The following PXDNL variants were observed in gnomAD, a reference collection of about 807,000 sequenced individuals.
PXDNL encodes peroxidasin like, also known as probable oxidoreductase PXDNL.
A neutral mutation model predicts 150.8 loss-of-function variants in PXDNL; 145 were observed. That is an observed-to-expected ratio of 0.96 (90% CI 0.84 to 1.10). PXDNL has a LOEUF of 1.10. Ranked by LOEUF, PXDNL falls within the 50% of genes least tolerant of loss-of-function variation. The pLI is 0.00. For missense variants in PXDNL, 2,087 were observed against 1,873.9 expected (o/e 1.11, Z -2.10); for synonymous variants, 757 against 725.7 (o/e 1.04, Z -0.69).
chr8:51,755,297 TG>T (rs1167311172), intron 1 of PXDNL, among the ~76,000 whole-genome samples: 1,780 of 87,714 alleles, frequency 0.02, 34 homozygotes, highest in African/African-American at 0.061. Flanking sequence ...TAGAATGTTT[TG>T]TTTTTTTTTT....
At chr8:51,733,131 G>A (rs1816965906) in intron 1 of PXDNL, among the ~76,000 whole-genome samples, 1 of 152,230 alleles carries the variant, frequency 6.6e-6, no homozygotes, top group African/African-American at 2.4e-5. Flanking sequence ...CTGTGGATGA[G>A]CATGACTTCT....
intron 20 of PXDNL, among the ~76,000 whole-genome samples, chr8:51,341,301 A>G (rs1805978499): frequency 6.6e-6 from 1 of 152,254 alleles, no homozygotes; most frequent in Non-Finnish European, 1.5e-5. Context: ...ACACAAAAAC[A>G]CACATATTTA....
chr8:51,423,922 G>C (rs1183197101), intron 13 of PXDNL, among the ~76,000 whole-genome samples, 191 bp from the exon 14 acceptor site: 1 of 152,018 alleles, frequency 6.6e-6, no homozygotes, highest in Non-Finnish European at 1.5e-5. Context: ...AGGAAGTGTG[G>C]TTTTTCTCTC....
At chr8:51,611,605 G>A (rs1484341475) in intron 2 of PXDNL, among the ~76,000 whole-genome samples, 4 of 152,202 alleles carry the variant, frequency 2.6e-5, no homozygotes, top group Non-Finnish European at 4.4e-5. Context: ...TGTGTGAAAA[G>A]GACTATGGGA....
rs777627469 is a variant in PXDNL, at chr8:51,408,221, C to T, written c.3403G>A (p.Val1135Met). ...RLFSAAYSAA[V>M]DSAATIIQRG... ...TGAATGATGGTGGCAGCCGAATCCA[C>T]GGCCGCAGAATAAGCCGCGGAGAAG... is the stretch of plus-strand genomic sequence containing the variant. Residue 1135 changes from valine (V) to methionine (M), a missense_variant, in exon 17 of 23, where the codon GTG (valine) becomes ATG (methionine). By Grantham distance (21) the Val-to-Met change is conservative. Transcript: ENST00000356297. 1.9e-6 allele frequency: 3 copies of T among 1,614,020 alleles called. No homozygotes were observed. Among genetic ancestry groups the T allele is most frequent in the Non-Finnish European group, 8.5e-7 (1 of 1,179,908 alleles).
At chr8:51,378,021 C>T (rs1018256981) in intron 17 of PXDNL, among the ~76,000 whole-genome samples, 30 of 152,218 alleles carry the variant, frequency 2.0e-4, no homozygotes, top group African/African-American at 7.2e-4. Flanking sequence ...TTATGTCTAG[C>T]TAAGGGATTG....
intron 17 of PXDNL, among the ~76,000 whole-genome samples, chr8:51,404,304 T>A (rs1486113772): frequency 6.6e-6 from 1 of 152,236 alleles, no homozygotes; most frequent in African/African-American, 2.4e-5. Context: ...TCCACCCACA[T>A]CCTGCTGATT....
chr8:51,391,095 A>G (rs1255897678), intron 17 of PXDNL, among the ~76,000 whole-genome samples: 1 of 152,196 alleles, frequency 6.6e-6, no homozygotes, highest in East Asian at 1.9e-4. Flanking sequence ...TTATGGCTGC[A>G]TAGTATTCCA....
At chr8:51,425,466 T>C (rs540628230) in intron 13 of PXDNL, among the ~76,000 whole-genome samples, 1 of 152,320 alleles carries the variant, frequency 6.6e-6, no homozygotes, top group Non-Finnish European at 1.5e-5. Flanking sequence ...CCAAAATGTA[T>C]ATTTTTCACA....
rs1235306245 is a variant in PXDNL at position 51,384,879 on chromosome 8, A to G, written c.3558-10148T>C. Among the ~76,000 whole-genome samples, 3 of 152,194 alleles carry G rather than the reference A, an allele frequency of 2.0e-5. No homozygotes were observed. In the East Asian group the frequency reaches 5.8e-4, roughly 29 times the overall value. ...GTAATTATGTCTAGTAATAAAAATA[A>G]TCATCTATACTTTGTTTTTTGATTA... On this transcript the variant is annotated intron_variant, in intron 17 of 22. Transcript: ENST00000356297.
intron 4 of PXDNL, among the ~76,000 whole-genome samples, chr8:51,553,104 A>G (rs774162385): frequency 2.0e-5 from 3 of 152,230 alleles, no homozygotes; most frequent in Non-Finnish European, 4.4e-5. Context: ...AAGGCTCTCG[A>G]ATTATCTTCC....
chr8:51,336,048 T>C (rs1268881518), intron 21 of PXDNL, among the ~76,000 whole-genome samples: 1 of 152,164 alleles, frequency 6.6e-6, no homozygotes, highest in Non-Finnish European at 1.5e-5. Flanking sequence ...ACCATAAATG[T>C]AATGTCACCT....
chr8:51,663,160 C>T lies in PXDNL; in HGVS notation c.165-8400G>A, dbSNP rs1815309931. 2.6e-5 allele frequency among the ~76,000 whole-genome samples: 4 copies of T among 152,286 alleles called. No individual in the cohort carries two copies. The South Asian group carries it at 6.2e-4, about 24-fold the overall frequency. ...CATCAGATTCCCCTCAAAGCAAAGC[C>T]AGTGGACCCGGGAAATGGCCCTCAA... On this transcript the variant is annotated intron_variant, in intron 1 of 22. Transcript: ENST00000356297.
chr8:51,606,703 T>C (rs34488486), intron 2 of PXDNL, among the ~76,000 whole-genome samples: 12,807 of 152,008 alleles, frequency 0.084, 623 homozygotes, highest in South Asian at 0.095. Flanking sequence ...ATTTTTATGA[T>C]ATATCTTTAT....
chr8:51,380,995 A>G (rs933393485), intron 17 of PXDNL, among the ~76,000 whole-genome samples: 2 of 152,180 alleles, frequency 1.3e-5, no homozygotes, highest in African/African-American at 4.8e-5. Flanking sequence ...ATCATGTTAT[A>G]TATGTATGTA....
intron 12 of PXDNL, among the ~76,000 whole-genome samples, chr8:51,439,400 C>T (rs1809487173): frequency 6.6e-6 from 1 of 151,784 alleles, no homozygotes; most frequent in Non-Finnish European, 1.5e-5. Context: ...GCAAGAATGG[C>T]CATAATCAAA....
chr8:51,398,986 A>T (rs1808168335), intron 17 of PXDNL, among the ~76,000 whole-genome samples: 1 of 152,210 alleles, frequency 6.6e-6, no homozygotes, highest in South Asian at 2.1e-4. Context: ...CAAAATGAAA[A>T]TTTCACTTGA....
chr8:51,342,720 T>A (rs1586016391), intron 20 of PXDNL, among the ~76,000 whole-genome samples: 1 of 152,246 alleles, frequency 6.6e-6, no homozygotes, highest in Middle Eastern at 3.4e-3. Flanking sequence ...GGAGTCGAAG[T>A]GCTAGCGTGC....
chr8:51,524,182 T>C (rs1811719551), intron 4 of PXDNL, among the ~76,000 whole-genome samples: 1 of 152,208 alleles, frequency 6.6e-6, no homozygotes, highest in Non-Finnish European at 1.5e-5. Flanking sequence ...ACAATCCTGT[T>C]ATGACACATT....
Sources: allele counts gnomAD v4.1 joint callset (sites outside exome capture counted in the v4.1 genomes callset), GRCh38; gene constraint gnomAD v4.1.1; transcripts MANE v1.5; gene names NCBI Gene and HGNC (gene_info 2026-07-23, HGNC 2026-07-21).